NDUFS1: variants seen among roughly 807,000 people sequenced by gnomAD.
NDUFS1 encodes NADH-ubiquinone oxidoreductase 75 kDa subunit, mitochondrial.
In NDUFS1, 61 loss-of-function variants were observed where a neutral mutation model predicts 84.4. The ratio of observed to expected loss-of-function variants is 0.72; its 90% CI spans 0.59 to 0.89. The LOEUF is 0.89. NDUFS1 is among the 40% of genes least tolerant of loss of function. The pLI is 0.00. For synonymous variants in NDUFS1, 275 were observed against 290.0 expected (o/e 0.95, Z 0.53); for missense variants, 891 against 890.0 (o/e 1.00, Z -0.01).
At chr2:206,124,381 C>G (rs1194431886) in intron 18 of NDUFS1, 105 bp from the exon 19 acceptor site, 1 of 826,648 alleles carries the variant, frequency 1.2e-6, no homozygotes, top group Non-Finnish European at 2.1e-6. Flanking sequence ...GATTATAAGG[C>G]CCTATGCAAG....
intron 9 of NDUFS1, 54 bp from the exon 10 acceptor site, chr2:206,144,186 T>A: frequency 1.5e-6 from 2 of 1,355,936 alleles, no homozygotes; most frequent in South Asian, 2.3e-5. Flanking sequence ...GTAACTATAA[T>A]TTTCAAGTTA....
At chr2:206,142,483 G>A (rs1362564092) in intron 11 of NDUFS1, among the ~76,000 whole-genome samples, 2 of 152,224 alleles carry the variant, frequency 1.3e-5, no homozygotes, top group East Asian at 1.9e-4. Context: ...CCAGAGTGCT[G>A]GGATTACAGG....
At chr2:206,125,024 T>G (rs932918046) in intron 18 of NDUFS1, among the ~76,000 whole-genome samples, 1 of 152,100 alleles carries the variant, frequency 6.6e-6, no homozygotes, top group Non-Finnish European at 1.5e-5. Context: ...CTTTTTTTTT[T>G]TTAAAGAGAC....
At chr2:206,133,787 G>A (rs1257749177) in intron 13 of NDUFS1, among the ~76,000 whole-genome samples, 1 of 152,180 alleles carries the variant, frequency 6.6e-6, no homozygotes, top group Admixed American at 6.5e-5. Context: ...AGACCAGCCT[G>A]GCCAACACGG....
chr2:206,151,846 CTAATT>C (rs1454690021), intron 3 of NDUFS1, among the ~76,000 whole-genome samples: 1 of 152,152 alleles, frequency 6.6e-6, no homozygotes, highest in Non-Finnish European at 1.5e-5. Context: ...CCTATAGTAA[CTAATT>C]TAAGTTACTT....
chr2:206,133,150 A>C, intron 13 of NDUFS1, 45 bp from the exon 14 acceptor site: 3 of 1,485,968 alleles, frequency 2.0e-6, no homozygotes, highest in Non-Finnish European at 1.8e-6. Context: ...TATTACAAGT[A>C]AGCTGAACAC....
intron 1 of NDUFS1, among the ~76,000 whole-genome samples, chr2:206,158,398 T>G (rs557160413): frequency 6.6e-6 from 1 of 152,342 alleles, no homozygotes; most frequent in East Asian, 1.9e-4. Context: ...TTAAAAGCCT[T>G]TTCTCAGTTT....
At position 206,130,158 on chromosome 2, in the gene NDUFS1, A is replaced by G; in HGVS notation, c.1638T>C (p.Phe546=). The change falls in exon 15 of 19, where the codon TTT becomes TTC. Residue 546 remains phenylalanine (F), a synonymous_variant. Transcript: ENST00000233190. ...TACAACCTCCATCTGCTCCCAGGAG[A>G]AACAGCACCTTGGGAGGGTTCTTCC... ...AIRKNPPKVL[F]LLGADGGCIT... 6.2e-7 allele frequency: 1 copy of G among 1,614,120 alleles called. No individual in the cohort carries two copies. The highest frequency in any genetic ancestry group is 8.5e-7 in the Non-Finnish European group (1 of 1,179,990).
intron 12 of NDUFS1, among the ~76,000 whole-genome samples, chr2:206,140,922 G>GTATATATATATA (rs142969226): frequency 1.4e-4 from 18 of 127,962 alleles, no homozygotes; most frequent in South Asian, 2.3e-4. Context: ...TATGTAGTGT[G>GTATATATATATA]TATATATATA....
chr2:206,132,860 A>G, intron 14 of NDUFS1, 85 bp downstream of exon 14: 4 of 1,251,338 alleles, frequency 3.2e-6, no homozygotes, highest in Middle Eastern at 4.1e-4. Context: ...TTGTTTGTAA[A>G]TTAAATTTAA....
chr2:206,127,884 A>G lies in NDUFS1; in HGVS notation c.1797T>C (p.Thr599=). The change falls in exon 16 of 19, where the codon ACT becomes ACC. Residue 599 remains threonine (T), a synonymous_variant. Transcript: ENST00000233190. ...CCTTAGTCTGCTGAGCTCTACCCTC[A>G]GTGTTGACATATGTAGCAGACTTCT... The part of the protein sequence containing the change: ...YTEKSATYVN[T]EGRAQQTKVA... 6.2e-7 allele frequency: 1 copy of G among 1,614,164 alleles called. No homozygotes were observed. Among genetic ancestry groups the G allele is most frequent in the Non-Finnish European group, 8.5e-7 (1 of 1,180,030 alleles).
chr2:206,132,704 A>G (rs1344861425), intron 14 of NDUFS1, among the ~76,000 whole-genome samples: 1 of 152,224 alleles, frequency 6.6e-6, no homozygotes, highest in African/African-American at 2.4e-5. Flanking sequence ...TGTAACTAAT[A>G]TAACAATTTT....
rs1690910318 is a variant in NDUFS1 at position 206,115,083 on chromosome 2, TG to T, written c.*9101del. ...TTGTTTTGTCTGACATGACAAACAT[TG>T]CAAATGTACATCCTTTGTCTCATGA... On this transcript the variant is annotated 3_prime_UTR_variant, in exon 19 of 19. Coordinates refer to ENST00000233190, the MANE Select transcript of NDUFS1 (RefSeq NM_005006.7). The T allele has an allele frequency of 6.6e-6, 1 of 152,256 alleles. No individual in the cohort carries two copies. Among genetic ancestry groups the T allele is most frequent in the African/African-American group, 2.4e-5 (1 of 41,472 alleles). 9.4% of individuals were successfully genotyped at this position (152,256 alleles called of 1,614,324 possible). A position where few individuals can be genotyped will look rare whatever the true frequency, so the allele number is the denominator to read the frequency against.
chr2:206,148,772 C>A (rs922059325), intron 5 of NDUFS1, among the ~76,000 whole-genome samples: 1 of 152,186 alleles, frequency 6.6e-6, no homozygotes, highest in Admixed American at 6.5e-5. Context: ...TCCAGATTCA[C>A]CCTTCTTCAC....
chr2:206,130,777 A>G (rs1269994122), intron 14 of NDUFS1, among the ~76,000 whole-genome samples: 1 of 152,236 alleles, frequency 6.6e-6, no homozygotes, highest in Non-Finnish European at 1.5e-5. Context: ...TCTCCATGAC[A>G]TAGTATTGAA....
chr2:206,129,838 C>T (rs866759713), intron 15 of NDUFS1, among the ~76,000 whole-genome samples: 67 of 151,852 alleles, frequency 4.4e-4, no homozygotes, highest in Middle Eastern at 3.2e-3. Context: ...GTGATCCACC[C>T]GCACTGGCCT....
At position 206,142,735 on chromosome 2, in the gene NDUFS1, C is replaced by T. The variant is rs1433341943; in HGVS notation, c.1084G>A (p.Asp362Asn). 1 of 1,614,056 alleles carries T rather than the reference C, an allele frequency of 6.2e-7. No homozygotes were observed. The highest frequency in any genetic ancestry group is 8.5e-7 in the Non-Finnish European group (1 of 1,180,040). Residue 362 changes from aspartate to asparagine, a missense_variant, in exon 11 of 19, where the codon GAC (aspartate) becomes AAC (asparagine). Asp to Asn is a conservative substitution (Grantham distance 23). Coordinates refer to ENST00000233190, the MANE Select transcript of NDUFS1 (RefSeq NM_005006.7). The stretch of plus-strand genomic sequence containing the variant: ...TCTTCAGTGCATAAGGTGTCAGAGT[C>T]CACTCTATTAAGCAAATCTTTGAGA... The part of the protein sequence containing the change: ...VALKDLLNRV[D>N]SDTLCTEEVF...
intron 14 of NDUFS1, among the ~76,000 whole-genome samples, chr2:206,132,411 T>A (rs942763793): frequency 2.0e-5 from 3 of 151,994 alleles, no homozygotes; most frequent in Non-Finnish European, 4.4e-5. Flanking sequence ...TAGTGAGACT[T>A]TATCTCTACA....
chr2:206,127,688 C>T, intron 16 of NDUFS1, 109 bp downstream of exon 16: 1 of 1,154,088 alleles, frequency 8.7e-7, no homozygotes, highest in Non-Finnish European at 1.3e-6. Context: ...TTCAAATCAT[C>T]TCTGCATTTC....
Sources: allele counts gnomAD v4.1 joint callset (sites outside exome capture counted in the v4.1 genomes callset), GRCh38; gene constraint gnomAD v4.1.1; transcripts MANE v1.5; gene names NCBI Gene and HGNC (gene_info 2026-07-23, HGNC 2026-07-21).